VPS53: variants seen among roughly 807,000 people sequenced by gnomAD.
VPS53 encodes VPS53 subunit of GARP complex.
A neutral mutation model predicts 107.0 loss-of-function variants in VPS53; 70 were observed. The ratio of observed to expected loss-of-function variants is 0.65; its 90% CI spans 0.54 to 0.80. The LOEUF is 0.80. Ranked by LOEUF, VPS53 falls within the 30% of genes least tolerant of loss-of-function variation. The pLI is 0.00. For missense variants in VPS53, 917 were observed against 1,049.4 expected, an observed-to-expected ratio of 0.87 and a Z score of 1.74; for synonymous variants, 409 against 393.3, an observed-to-expected ratio of 1.04 and a Z score of -0.47.
intron 11 of VPS53, among the ~76,000 whole-genome samples, chr17:615,160 T>C (rs16953975): frequency 0.017 from 2,534 of 152,284 alleles, 26 homozygotes; most frequent in Middle Eastern, 0.031. Context: ...CTCTCTTGAA[T>C]TCCTCCTAAA....
chr17:592,330 T>C (rs1266952565), intron 12 of VPS53, among the ~76,000 whole-genome samples: 1 of 152,224 alleles, frequency 6.6e-6, no homozygotes, highest in Non-Finnish European at 1.5e-5. Flanking sequence ...CTGATGGGTC[T>C]TGACTCTTTA....
At chr17:633,164 G>A (rs748335958) in intron 7 of VPS53, among the ~76,000 whole-genome samples, 1 of 152,114 alleles carries the variant, frequency 6.6e-6, no homozygotes, top group Non-Finnish European at 1.5e-5. Flanking sequence ...CATACCCCAC[G>A]ATCAATCACG....
At position 553,460 on chromosome 17, in the gene VPS53, T is replaced by C. The variant is rs910910826; in HGVS notation, c.1707A>G (p.Leu569=). The C allele has an allele frequency of 6.2e-7, 1 of 1,612,932 alleles. No individual in the cohort carries two copies. The highest frequency in any genetic ancestry group is 1.7e-5 in the Admixed American group (1 of 60,004). The stretch of plus-strand genomic sequence containing the variant: ...CCACTTTTTCTTTGAGTTTTTCTTC[T>C]AGCTGTTGAAAAACAGAAGAAATGG... ...AEYCLATTQQ[L]EEKLKEKVDV... Residue 569 remains leucine (L), a splice_region_variant and synonymous_variant, in exon 16 of 22, where the codon CTA becomes CTG. Transcript: ENST00000437048.
At chr17:533,194 GT>G (rs1909737417) in intron 18 of VPS53, among the ~76,000 whole-genome samples, 2 of 152,192 alleles carry the variant, frequency 1.3e-5, no homozygotes, top group South Asian at 4.1e-4. Flanking sequence ...TTTGGTGACT[GT>G]TGTTTGTCCT....
intron 4 of VPS53, among the ~76,000 whole-genome samples, chr17:666,338 G>A (rs1224521151): frequency 1.3e-5 from 2 of 152,192 alleles, no homozygotes; most frequent in Non-Finnish European, 2.9e-5. Flanking sequence ...TGAAGGAGAA[G>A]GAAAGAGTGA....
At chr17:657,299 A>G (rs1224457993) in intron 5 of VPS53, 1 of 796,628 alleles carries the variant, frequency 1.3e-6, no homozygotes, top group Non-Finnish European at 2.2e-6. Flanking sequence ...CTGTCTTGTC[A>G]ATGCTGATGA....
chr17:710,835 C>T (rs1262307943), intron 1 of VPS53, among the ~76,000 whole-genome samples: 1 of 151,954 alleles, frequency 6.6e-6, no homozygotes, highest in African/African-American at 2.4e-5. Context: ...ATCCCAACTA[C>T]TCAGGAGGCT....
intron 15 of VPS53, among the ~76,000 whole-genome samples, chr17:558,380 TC>T (rs1912632803): frequency 6.6e-6 from 1 of 152,138 alleles, no homozygotes. Context: ...ACGTCTGTAA[TC>T]CCAGCACTTT....
intron 12 of VPS53, among the ~76,000 whole-genome samples, chr17:588,250 G>A (rs1967433290): frequency 6.6e-6 from 1 of 152,152 alleles, no homozygotes; most frequent in Admixed American, 6.6e-5. Context: ...CCCAGGAGGT[G>A]GAGATGGCAG....
intron 12 of VPS53, among the ~76,000 whole-genome samples, chr17:588,458 A>T (rs1279335961): frequency 6.6e-6 from 1 of 152,214 alleles, no homozygotes; most frequent in African/African-American, 2.4e-5. Context: ...CCTTTAAAAA[A>T]ATTTTTTTTT....
At chr17:531,104 G>A (rs1909503087) in intron 19 of VPS53, among the ~76,000 whole-genome samples, 1 of 152,196 alleles carries the variant, frequency 6.6e-6, no homozygotes, top group Non-Finnish European at 1.5e-5. Context: ...GATTCTGATG[G>A]TTCTGCTGCC....
At chr17:607,067 T>C (rs998473791) in intron 11 of VPS53, among the ~76,000 whole-genome samples, 2 of 152,326 alleles carry the variant, frequency 1.3e-5, no homozygotes, top group African/African-American at 4.8e-5. Context: ...CAGCTTAACA[T>C]GCTGTCTGGC....
At chr17:660,601 A>C (rs188684782) in intron 5 of VPS53, among the ~76,000 whole-genome samples, 95 of 152,016 alleles carry the variant, frequency 6.2e-4, no homozygotes, top group African/African-American at 1.9e-3. Flanking sequence ...TCACGCTTTG[A>C]GGGCCCCTGG....
In VPS53 at chr17:526,683, C is replaced by T. The variant is rs555390259; in HGVS notation, c.2086-4945G>A. Among the ~76,000 whole-genome samples the T allele has an allele frequency of 3.9e-5, 6 of 152,338 alleles. No individual in the cohort carries two copies. In the South Asian group the frequency reaches 1.2e-3, roughly 32 times the overall value. ...TTCATTTCTGCCTCAGCGATAATTT[C>T]TGGGGCAGTGTGGGCTGGCTAATGT... On this transcript the variant is annotated intron_variant, in intron 19 of 21. Coordinates refer to ENST00000437048, the MANE Select transcript of VPS53 (RefSeq NM_001128159.3).
At chr17:704,305 C>T (rs1973321557) in intron 2 of VPS53, among the ~76,000 whole-genome samples, 1 of 152,118 alleles carries the variant, frequency 6.6e-6, no homozygotes, top group Non-Finnish European at 1.5e-5. Flanking sequence ...GGCATCCATT[C>T]CAGGCCACTC....
intron 2 of VPS53, among the ~76,000 whole-genome samples, chr17:702,668 T>C (rs1414788645): frequency 6.6e-6 from 1 of 151,352 alleles, no homozygotes; most frequent in East Asian, 2.0e-4. Context: ...TCTGTCTCAA[T>C]AAATAAATAA....
At chr17:552,017 G>A in intron 16 of VPS53, 67 bp from the exon 17 acceptor site, 1 of 1,412,670 alleles carries the variant, frequency 7.1e-7, no homozygotes. Context: ...CTGACACTCA[G>A]GCCCCTGTGT....
At chr17:650,390 A>C (rs1970893404) in intron 7 of VPS53, among the ~76,000 whole-genome samples, 1 of 151,924 alleles carries the variant, frequency 6.6e-6, no homozygotes, top group African/African-American at 2.4e-5. Context: ...CTGGCTACTC[A>C]GGAGGTGGAG....
intron 7 of VPS53, among the ~76,000 whole-genome samples, chr17:652,788 G>C (rs537300598): frequency 6.6e-6 from 1 of 152,210 alleles, no homozygotes; most frequent in Non-Finnish European, 1.5e-5. Flanking sequence ...ACCTAGAACA[G>C]TTTCTCTCAC....
Sources: allele counts gnomAD v4.1 joint callset (sites outside exome capture counted in the v4.1 genomes callset), GRCh38; gene constraint gnomAD v4.1.1; transcripts MANE v1.5; gene names NCBI Gene and HGNC (gene_info 2026-07-23, HGNC 2026-07-21).